Variants in PLEKHG1 observed in about 807,000 individuals in gnomAD.
PLEKHG1 encodes pleckstrin homology and RhoGEF domain containing G1.
A neutral mutation model predicts 100.8 loss-of-function variants in PLEKHG1; 44 were observed. The ratio of observed to expected loss-of-function variants is 0.44; its 90% CI spans 0.34 to 0.56. The LOEUF (loss-of-function observed/expected upper bound fraction) is 0.56. Ranked by LOEUF, PLEKHG1 falls within the 20% of genes least tolerant of loss-of-function variation. The pLI, the probability that PLEKHG1 is intolerant of heterozygous loss-of-function variation, is 0.01. For missense variants in PLEKHG1, 1,545 were observed against 1,720.9 expected, an observed-to-expected ratio of 0.90 and a Z score of 1.81; for synonymous variants, 640 against 662.5, an observed-to-expected ratio of 0.97 and a Z score of 0.52.
At position 150,674,632 on chromosome 6, in the gene PLEKHG1, C is replaced by CCTCTCTCTCT. The variant is rs756355880; in HGVS notation, c.-99+23888_-99+23897dup. On this transcript the variant is annotated intron_variant, in intron 3 of 3. Coordinates refer to the PLEKHG1 transcript ENST00000367326. Reference sequence around the variant, plus strand: ...CACCTGTAACTTTCTCTCTCTCCTCCCTCTCTCTCTCTCTCTCTCTCTCTC... The same window carrying CCTCTCTCTCT: ...CACCTGTAACTTTCTCTCTCTCCTCCCTCTCTCTCTCTCTCTCTCTCTCTCTCTCTCTCTC... 3.4e-3 allele frequency among the ~76,000 whole-genome samples: 227 copies of CCTCTCTCTCT among 66,198 alleles called. 6 individuals are homozygous for CCTCTCTCTCT. The highest frequency in any genetic ancestry group is 5.4e-3 in the African/African-American group (79 of 14,642). 43.4% of individuals were successfully genotyped at this position (66,198 alleles called of 152,430 possible).
intron 3 of PLEKHG1, among the ~76,000 whole-genome samples, chr6:150,785,387 G>A (rs1785564231): frequency 6.6e-6 from 1 of 152,096 alleles, no homozygotes; most frequent in Non-Finnish European, 1.5e-5. Flanking sequence ...GTGCAATTTA[G>A]AAATGTGTTA....
rs549722208 is a variant in PLEKHG1 at position 150,728,764 on chromosome 6, C to T, written c.-98-4820C>T. Among the ~76,000 whole-genome samples, 48 of 151,808 alleles carry T rather than the reference C, an allele frequency of 3.2e-4. 1 individual carries two copies. In the South Asian group the frequency reaches 4.0e-3, roughly 13 times the overall value. ...TACAAAAATTAGCCAGGCATGGTGG[C>T]GGGCGCCTGTAATCCCAGCTACTCA... On this transcript the variant is annotated intron_variant, in intron 1 of 15. Coordinates refer to ENST00000358517, the Ensembl canonical transcript of PLEKHG1.
At chr6:150,786,065 G>A (rs764379967) in intron 3 of PLEKHG1, among the ~76,000 whole-genome samples, 16 of 151,370 alleles carry the variant, frequency 1.1e-4, no homozygotes, top group Non-Finnish European at 2.4e-4. Flanking sequence ...ACTGTACCTG[G>A]TACCTAGGCA....
chr6:150,782,430 T>C (rs1477078864), intron 3 of PLEKHG1, among the ~76,000 whole-genome samples: 1 of 152,110 alleles, frequency 6.6e-6, no homozygotes, highest in Non-Finnish European at 1.5e-5. Flanking sequence ...ACCAGTATAG[T>C]ACATTGATAT....
chr6:150,714,631 A>C (rs1359955584), intron 3 of PLEKHG1, among the ~76,000 whole-genome samples: 1 of 152,216 alleles, frequency 6.6e-6, no homozygotes, highest in Non-Finnish European at 1.5e-5. Context: ...TTAGTTCAGT[A>C]GGGGCTGAGA....
At chr6:150,632,110 A>C in intron 1 of PLEKHG1, among the ~76,000 whole-genome samples, 1 of 152,202 alleles carries the variant, frequency 6.6e-6, no homozygotes, top group East Asian at 1.9e-4. Flanking sequence ...ACAGTTTAAA[A>C]TTTGCTCCTA....
Position 150,706,623 on chromosome 6 carries a change from AAAATC to A in PLEKHG1, c.-98-26957_-98-26953del, listed in dbSNP as rs540619651. On this transcript the variant is annotated intron_variant, in intron 3 of 3. Coordinates refer to the PLEKHG1 transcript ENST00000367326. ...AGCAAGACTCTGTCTCAAAAAAAAA[AAAATC>A]AAAAACAAAAACAAAACAGGAACTA... 7.9e-5 allele frequency among the ~76,000 whole-genome samples: 12 copies of A among 151,210 alleles called. No homozygotes were observed. The South Asian group carries it at 2.5e-3, about 32-fold the overall frequency.
chr6:150,673,956 C>T (rs949759035), intron 3 of PLEKHG1, among the ~76,000 whole-genome samples: 4 of 152,174 alleles, frequency 2.6e-5, no homozygotes, highest in African/African-American at 4.8e-5. Context: ...TGTGCCACCG[C>T]GCTCACCCTA....
intron 2 of PLEKHG1, among the ~76,000 whole-genome samples, chr6:150,755,737 T>C (rs1783800944): frequency 6.6e-6 from 1 of 152,122 alleles, no homozygotes; most frequent in African/African-American, 2.4e-5. Context: ...GGCCGATGTG[T>C]TTCCCACCTC....
intron 3 of PLEKHG1, among the ~76,000 whole-genome samples, chr6:150,714,261 A>C (rs1287412616): frequency 6.6e-6 from 1 of 152,234 alleles, no homozygotes; most frequent in Non-Finnish European, 1.5e-5. Flanking sequence ...TGCTTGCTTG[A>C]TATCTAAAAA....
intron 10 of PLEKHG1, 85 bp from the exon 12 acceptor site, chr6:150,818,098 C>T: frequency 1.0e-6 from 1 of 979,998 alleles, no homozygotes; most frequent in Non-Finnish European, 1.6e-6. Context: ...TCTATTTATT[C>T]AGGTGGGATA....
intron 2 of PLEKHG1, among the ~76,000 whole-genome samples, chr6:150,761,099 C>CTTTTTTTTTTTTTTTTT (rs35068801): frequency 3.1e-5 from 3 of 95,948 alleles, no homozygotes; most frequent in Non-Finnish European, 5.9e-5. Flanking sequence ...TTCTTTTTTT[C>CTTTTTTTTTTTTTTTTT]TTTTTTTTTT....
At chr6:150,768,839 T>G (rs1189519630) in intron 3 of PLEKHG1, 101 bp downstream of exon 4, 1 of 694,918 alleles carries the variant, frequency 1.4e-6, no homozygotes. Flanking sequence ...CTGACTCAGC[T>G]TCATATATTT....
Position 150,840,160 on chromosome 6 carries a change from CTG to C in PLEKHG1, c.3425_3426del (p.Val1142AlafsTer32). ...CAAACCTCTGACCCTCTGCCAGGCT[CTG>C]TGCAGAGATGCAGCGTGGTAGTAAG... On this transcript the variant is annotated frameshift_variant, in exon 16 of 16. Coordinates refer to ENST00000358517, the Ensembl canonical transcript of PLEKHG1. LOFTEE classifies it low-confidence loss of function (END_TRUNC). 1 of 1,614,230 alleles carries C rather than the reference CTG, an allele frequency of 6.2e-7. No homozygotes were observed. The highest frequency in any genetic ancestry group is 1.7e-5 in the Admixed American group (1 of 60,030).
At chr6:150,669,119 T>C (rs13209071) in intron 3 of PLEKHG1, among the ~76,000 whole-genome samples, 6,108 of 152,294 alleles carry the variant, frequency 0.04, 183 homozygotes, top group Middle Eastern at 0.14. Flanking sequence ...TGATGTTCAT[T>C]TTTTAACTCA....
intron 2 of PLEKHG1, among the ~76,000 whole-genome samples, chr6:150,766,474 T>C (rs952319887): frequency 2.0e-5 from 3 of 152,216 alleles, no homozygotes; most frequent in Admixed American, 6.5e-5. Context: ...GGAGCTAGTC[T>C]AGGGTTAAAG....
At chr6:150,703,665 A>G (rs1780893650) in intron 3 of PLEKHG1, among the ~76,000 whole-genome samples, 1 of 151,064 alleles carries the variant, frequency 6.6e-6, no homozygotes, top group East Asian at 1.9e-4. Flanking sequence ...TATTAAAAAA[A>G]ATCAGTCTAG....
At chr6:150,765,887 T>C (rs1349535171) in intron 2 of PLEKHG1, among the ~76,000 whole-genome samples, 1 of 152,222 alleles carries the variant, frequency 6.6e-6, no homozygotes, top group African/African-American at 2.4e-5. Context: ...TCTGTACTTA[T>C]CTCCTTGTAG....
intron 2 of PLEKHG1, among the ~76,000 whole-genome samples, chr6:150,766,138 G>A (rs546271560): frequency 6.6e-6 from 1 of 152,292 alleles, no homozygotes; most frequent in Non-Finnish European, 1.5e-5. Context: ...CATTCAAATG[G>A]TGAAAAGCCC....
Sources: gnomAD v4.1 joint callset for allele counts (sites outside exome capture counted in the v4.1 genomes callset) on GRCh38, gnomAD v4.1.1 for gene constraint, MANE v1.5 for transcripts, NCBI Gene and HGNC (gene_info 2026-07-23, HGNC 2026-07-21) for gene names.